SLC9A9: variants seen among roughly 807,000 people sequenced by gnomAD.
SLC9A9 encodes the protein solute carrier family 9 member A9.
SLC9A9 carries 62 observed loss-of-function variants against 77.8 expected under a neutral mutation model. The observed-to-expected ratio is 0.80, with a 90% confidence interval of 0.65 to 0.98. SLC9A9 has a LOEUF of 0.98. Ranked by LOEUF, SLC9A9 falls within the 50% of genes least tolerant of loss-of-function variation. The probability of loss-of-function intolerance (pLI) is 0.00; values close to 1 mark genes in which losing one functional copy is unlikely to be tolerated. For synonymous variants in SLC9A9, 320 were observed against 283.5 expected (o/e 1.13, Z -1.29); for missense variants, 775 against 774.9 (o/e 1.00, Z 0.00).
intron 4 of SLC9A9, among the ~76,000 whole-genome samples, chr3:143,730,190 C>A (rs976970002): frequency 7.2e-5 from 11 of 152,186 alleles, no homozygotes; most frequent in Middle Eastern, 3.2e-3. Flanking sequence ...AGTGTGCCCA[C>A]TTGTTGGGCC....
chr3:143,797,723 C>A (rs948786299), intron 2 of SLC9A9, among the ~76,000 whole-genome samples: 1 of 152,154 alleles, frequency 6.6e-6, no homozygotes, highest in Non-Finnish European at 1.5e-5. Flanking sequence ...AAAGCTCCCC[C>A]ACTGAGCACC....
intron 13 of SLC9A9, among the ~76,000 whole-genome samples, chr3:143,381,097 C>T (rs2033292189): frequency 6.6e-6 from 1 of 152,138 alleles, no homozygotes; most frequent in African/African-American, 2.4e-5. Context: ...GCAAAACTGA[C>T]ATTGATAGAT....
chr3:143,516,973 C>A, intron 9 of SLC9A9: 1 of 610,778 alleles, frequency 1.6e-6, no homozygotes, highest in Non-Finnish European at 2.9e-6. Context: ...ATCTTATAAT[C>A]ATTTTAATTT....
intron 12 of SLC9A9, among the ~76,000 whole-genome samples, chr3:143,448,414 G>A (rs2108551064): frequency 6.6e-6 from 1 of 152,202 alleles, no homozygotes; most frequent in East Asian, 1.9e-4. Context: ...TTATCAAGAT[G>A]TTTTACTGAA....
At chr3:143,324,005 CT>C in intron 14 of SLC9A9, among the ~76,000 whole-genome samples, 1 of 151,878 alleles carries the variant, frequency 6.6e-6, no homozygotes, top group Non-Finnish European at 1.5e-5. Context: ...TATACATTTT[CT>C]TTTCCACTAT....
At chr3:143,433,299 G>A (rs2108538019) in intron 12 of SLC9A9, among the ~76,000 whole-genome samples, 1 of 152,158 alleles carries the variant, frequency 6.6e-6, no homozygotes, top group South Asian at 2.1e-4. Flanking sequence ...GGGTTCTTTG[G>A]GGGGAATTTA....
chr3:143,321,413 C>A (rs2031415802), intron 14 of SLC9A9, among the ~76,000 whole-genome samples: 1 of 152,178 alleles, frequency 6.6e-6, no homozygotes, highest in Non-Finnish European at 1.5e-5. Context: ...ATCCTCCTGA[C>A]CCTTGCTGGT....
chr3:143,433,994 T>C (rs533734290), intron 12 of SLC9A9, among the ~76,000 whole-genome samples: 73 of 152,362 alleles, frequency 4.8e-4, no homozygotes, highest in Non-Finnish European at 7.3e-4. Flanking sequence ...CCTGGCTCTG[T>C]CACCTACCTC....
At chr3:143,518,257 GGGCTGCAGCCC>G in intron 9 of SLC9A9, 3 of 1,550,024 alleles carry the variant, frequency 1.9e-6, no homozygotes, top group Non-Finnish European at 2.6e-6. Flanking sequence ...CGAAGCTCAG[GGGCTGCAGCCC>G]GGTTCCAGGC....
intron 14 of SLC9A9, among the ~76,000 whole-genome samples, chr3:143,329,963 T>C (rs2031717679): frequency 1.3e-5 from 2 of 152,166 alleles, no homozygotes; most frequent in Non-Finnish European, 2.9e-5. Context: ...GGAGGGTAAT[T>C]AGGAGGAAAT....
chr3:143,510,808 C>T (rs758549115), intron 9 of SLC9A9, among the ~76,000 whole-genome samples: 4 of 152,058 alleles, frequency 2.6e-5, no homozygotes, highest in Non-Finnish European at 4.4e-5. Context: ...TGGGGTCAAA[C>T]TTGTTAGGCA....
chr3:143,335,891 A>G (rs2031906504), intron 14 of SLC9A9, among the ~76,000 whole-genome samples: 1 of 152,190 alleles, frequency 6.6e-6, no homozygotes, highest in Non-Finnish European at 1.5e-5. Flanking sequence ...CAGACAATAA[A>G]TGCAAAAATA....
At chr3:143,317,465 ATCC>A (rs1268447408) in intron 14 of SLC9A9, among the ~76,000 whole-genome samples, 3 of 152,078 alleles carry the variant, frequency 2.0e-5, no homozygotes, top group Admixed American at 6.5e-5. Context: ...CTTAGTCAAA[ATCC>A]TCCTGATTCC....
chr3:143,306,664 C>G (rs1323580562), intron 14 of SLC9A9, among the ~76,000 whole-genome samples: 1 of 152,194 alleles, frequency 6.6e-6, no homozygotes. Flanking sequence ...TCAGCAGCAC[C>G]TCCTGCTTGG....
chr3:143,575,511 G>GT (rs1351940159), intron 7 of SLC9A9, among the ~76,000 whole-genome samples: 14 of 151,798 alleles, frequency 9.2e-5, no homozygotes, highest in Non-Finnish European at 1.5e-4. Flanking sequence ...ATTAATTTTT[G>GT]GTTTTTTTTG....
At chr3:143,634,837 A>AAT (rs2038486243) in intron 6 of SLC9A9, among the ~76,000 whole-genome samples, 1 of 152,154 alleles carries the variant, frequency 6.6e-6, no homozygotes, top group Non-Finnish European at 1.5e-5. Context: ...AGTTTTAATG[A>AAT]ATATATATTA....
At chr3:143,533,211 T>C (rs1444035071) in intron 9 of SLC9A9, among the ~76,000 whole-genome samples, 2 of 152,326 alleles carry the variant, frequency 1.3e-5, no homozygotes, top group East Asian at 3.9e-4. Flanking sequence ...CCTGCTCTCG[T>C]GGGGCTGACA....
intron 1 of SLC9A9, among the ~76,000 whole-genome samples, chr3:143,844,819 C>T (rs1383758771): frequency 2.7e-5 from 4 of 148,436 alleles, no homozygotes; most frequent in African/African-American, 7.5e-5. Flanking sequence ...CACCTAGGCT[C>T]GAGTGAAGGC....
At chr3:143,357,497 C>CA (rs1395165528) in intron 14 of SLC9A9, among the ~76,000 whole-genome samples, 1 of 152,142 alleles carries the variant, frequency 6.6e-6, no homozygotes, top group Non-Finnish European at 1.5e-5. Context: ...CTCCTTTAGA[C>CA]AGGTGAGGCT....
Sources: allele counts gnomAD v4.1 joint callset (sites outside exome capture counted in the v4.1 genomes callset), GRCh38; gene constraint gnomAD v4.1.1; transcripts MANE v1.5; gene names NCBI Gene and HGNC (gene_info 2026-07-23, HGNC 2026-07-21).